ABCB10: variants seen among roughly 807,000 people sequenced by gnomAD.
ABCB10 encodes the protein ATP-binding cassette sub-family B member 10, mitochondrial.
ABCB10 carries 54 observed loss-of-function variants against 65.4 expected under a neutral mutation model. The ratio of observed to expected loss-of-function variants is 0.83; its 90% CI spans 0.66 to 1.04. ABCB10 has a LOEUF of 1.04. Ranked by LOEUF, ABCB10 falls within the 50% of genes least tolerant of loss-of-function variation. The probability of loss-of-function intolerance (pLI) is 0.00; values close to 1 mark genes in which losing one functional copy is unlikely to be tolerated. For synonymous variants in ABCB10, 418 were observed against 406.5 expected (o/e 1.03, Z -0.34); for missense variants, 846 against 976.6 (o/e 0.87, Z 1.78).
At position 229,558,357 on chromosome 1, in the gene ABCB10, C is replaced by A; in HGVS notation, c.296G>T (p.Ser99Ile). 2 of 1,253,556 alleles carry A rather than the reference C, an allele frequency of 1.6e-6. No homozygotes were observed. Among genetic ancestry groups the A allele is most frequent in the Non-Finnish European group, 2.0e-6 (2 of 987,686 alleles). The allele number at this position is 1,253,556 out of a possible 1,614,324, so 77.7% of individuals were successfully genotyped here. A position where few individuals can be genotyped will look rare whatever the true frequency, so the allele number is the denominator to read the frequency against. Residue 99 changes from serine to isoleucine, a missense_variant, in exon 1 of 13, where the codon AGC becomes ATC. Ser to Ile is a moderately radical substitution (Grantham distance 142, BLOSUM62 -2). Coordinates refer to ENST00000344517, the MANE Select transcript of ABCB10 (RefSeq NM_012089.3). ...LLGLWARGPG[S>I]CRCGAFAGPG... The stretch of plus-strand genomic sequence containing the variant: ...CCCGGCAAAAGCCCCGCACCTGCAG[C>A]TGCCGGGGCCGCGAGCCCACAGCCC...
chr1:229,531,884 A>G, intron 6 of ABCB10, 153 bp from the exon 7 acceptor site: 1 of 476,720 alleles, frequency 2.1e-6, no homozygotes, highest in Non-Finnish European at 3.7e-6. Context: ...CTGGGAACTG[A>G]TACTCAGAAT....
At chr1:229,528,470 G>C (rs371365879) in intron 8 of ABCB10, among the ~76,000 whole-genome samples, 9 of 151,760 alleles carry the variant, frequency 5.9e-5, no homozygotes, top group East Asian at 5.9e-4. Context: ...CAGCTAACTA[G>C]GATTTTTTTA....
chr1:229,554,746 G>C (rs544292676), intron 1 of ABCB10, among the ~76,000 whole-genome samples: 4 of 152,036 alleles, frequency 2.6e-5, no homozygotes, highest in South Asian at 2.1e-4. Context: ...CCTGGCTTTC[G>C]GGGGCAGTTC....
chr1:229,547,458 G>A, intron 3 of ABCB10, 41 bp downstream of exon 3: 1 of 1,606,908 alleles, frequency 6.2e-7, no homozygotes, highest in Non-Finnish European at 8.5e-7. Context: ...TGCAAGCCAA[G>A]CCCTGGCAGG....
intron 1 of ABCB10, among the ~76,000 whole-genome samples, chr1:229,555,618 A>G (rs1225993263): frequency 1.3e-5 from 2 of 152,262 alleles, no homozygotes; most frequent in Non-Finnish European, 2.9e-5. Flanking sequence ...AGGTATTATT[A>G]TTAAAATATA....
rs1268758404 is a variant in ABCB10 at position 229,518,024 on chromosome 1, G to C, written c.*155C>G. On this transcript the variant is annotated 3_prime_UTR_variant, in exon 13 of 13. Coordinates refer to ENST00000344517, the MANE Select transcript of ABCB10 (RefSeq NM_012089.3). Reference sequence around the variant, plus strand: ...CTGAATAAAAAGATCTTGAGAACAGGTACGTTTCAAAACAATCTTTTACAC... The same window carrying C: ...CTGAATAAAAAGATCTTGAGAACAGCTACGTTTCAAAACAATCTTTTACAC... The C allele has an allele frequency of 6.5e-6, 4 of 615,562 alleles. No individual in the cohort carries two copies. The highest frequency in any genetic ancestry group is 1.9e-5 in the African/African-American group (1 of 54,000). The allele number at this position is 615,562 out of a possible 1,614,324, so 38.1% of individuals were successfully genotyped here.
At chr1:229,533,404 G>T (rs186537572) in intron 6 of ABCB10, among the ~76,000 whole-genome samples, 1 of 152,282 alleles carries the variant, frequency 6.6e-6, no homozygotes, top group African/African-American at 2.4e-5. Flanking sequence ...GATTATAGGT[G>T]TAAGCCACCA....
intron 1 of ABCB10, among the ~76,000 whole-genome samples, chr1:229,556,228 C>T (rs1367182365): frequency 6.6e-6 from 1 of 152,080 alleles, no homozygotes; most frequent in Non-Finnish European, 1.5e-5. Context: ...CAAAATTAGC[C>T]GGGTATGATG....
Position 229,558,352 on chromosome 1 carries a change from T to C in ABCB10, c.301A>G (p.Arg101Gly), listed in dbSNP as rs1313739639. 10 of 1,255,582 alleles carry C rather than the reference T, an allele frequency of 8.0e-6. 1 individual carries two copies. In the Admixed American group the frequency reaches 2.2e-4, roughly 27 times the overall value. 77.8% of individuals were successfully genotyped at this position (1,255,582 alleles called of 1,614,324 possible). The change falls in exon 1 of 13, where the codon AGG becomes GGG. Residue 101 changes from arginine to glycine, a missense_variant. Transcript: ENST00000344517. ...CCTGGCCCGGCAAAAGCCCCGCACC[T>C]GCAGCTGCCGGGGCCGCGAGCCCAC... ...GLWARGPGSC[R>G]CGAFAGPGAP...
At chr1:229,536,098 G>A (rs2102694921) in intron 6 of ABCB10, among the ~76,000 whole-genome samples, 1 of 152,214 alleles carries the variant, frequency 6.6e-6, no homozygotes, top group South Asian at 2.1e-4. Flanking sequence ...ATGTATGGGG[G>A]CAGGGGTATA....
chr1:229,544,818 C>T (rs1285676906), intron 3 of ABCB10, among the ~76,000 whole-genome samples: 1 of 152,240 alleles, frequency 6.6e-6, no homozygotes, highest in Non-Finnish European at 1.5e-5. Flanking sequence ...CACTAGAGCA[C>T]ACTCTCTCTC....
rs1462956510 is a variant in ABCB10 at position 229,542,430 on chromosome 1, C to G, written c.922-59G>C. On this transcript the variant is annotated intron_variant, in intron 3 of 12. Coordinates refer to ENST00000344517, the MANE Select transcript of ABCB10 (RefSeq NM_012089.3). ...GTTACATTGGGTGGCAAGACATTCT[C>G]ATTACCTACGAAAGGGGAGTGTGTG... The G allele has an allele frequency of 1.9e-6, 3 of 1,573,844 alleles. No individual in the cohort carries two copies. In the African/African-American group the frequency reaches 4.1e-5, roughly 21 times the overall value.
chr1:229,549,913 C>CGA, intron 1 of ABCB10: 2 of 165,026 alleles, frequency 1.2e-5, no homozygotes, highest in South Asian at 1.6e-4. Flanking sequence ...CTGTCTACGG[C>CGA]CATACACTCT....
At chr1:229,556,528 GA>G (rs1663250884) in intron 1 of ABCB10, among the ~76,000 whole-genome samples, 1 of 152,060 alleles carries the variant, frequency 6.6e-6, no homozygotes, top group Admixed American at 6.6e-5. Flanking sequence ...AAAGAAGAAA[GA>G]AAAAAGGAGG....
At chr1:229,539,386 C>A in intron 6 of ABCB10, 70 bp downstream of exon 6, 1 of 1,561,028 alleles carries the variant, frequency 6.4e-7, no homozygotes, top group Non-Finnish European at 8.8e-7. Flanking sequence ...TGTGAAAGTT[C>A]AGTTTCTCTT....
Position 229,556,121 on chromosome 1 carries a change from T to C in ABCB10, c.517+2015A>G, listed in dbSNP as rs372048423. On this transcript the variant is annotated intron_variant, in intron 1 of 12. Coordinates refer to ENST00000344517, the MANE Select transcript of ABCB10 (RefSeq NM_012089.3). ...CGGGTGCAGTGGCTCACACCTGTAA[T>C]CCCAGCACCTTTGGAAGGCCAAGGT... Among the ~76,000 whole-genome samples, 7 of 152,236 alleles carry C rather than the reference T, an allele frequency of 4.6e-5. No homozygotes were observed. The East Asian group carries it at 5.8e-4, about 13-fold the overall frequency.
rs139689788 is a variant in ABCB10, at chr1:229,531,713, G to A, written c.1358C>T (p.Ser453Leu). The change falls in exon 7 of 13, where the codon TCG (serine) becomes TTG (leucine). Residue 453 changes from serine to leucine, a missense_variant. By Grantham distance (145) the Ser-to-Leu change is moderately radical. This residue lies in a region of ABCB10 where 632 missense variants were observed against 803.2 expected (regional missense o/e 0.79). Transcript: ENST00000344517. ...TGCACCCAGTCCTTTCATCAGCTCCGAGTAGAAAGAGCTCAGACCTGAGGA... is the reference window on the plus strand; with the variant it reads ...TGCACCCAGTCCTTTCATCAGCTCCAAGTAGAAAGAGCTCAGACCTGAGGA... ...ISIGGLSSFY[S>L]ELMKGLGAGG... The A allele has an allele frequency of 8.6e-5, 139 of 1,613,732 alleles. No individual in the cohort carries two copies. The highest frequency in any genetic ancestry group is 2.0e-4 in the East Asian group (9 of 44,884).
At chr1:229,552,105 T>TC (rs1663129669) in intron 1 of ABCB10, among the ~76,000 whole-genome samples, 2 of 152,202 alleles carry the variant, frequency 1.3e-5, no homozygotes, top group Non-Finnish European at 2.9e-5. Flanking sequence ...TTTCAGGATA[T>TC]CCCCCCACAC....
chr1:229,523,427 T>C (rs1253781603), intron 10 of ABCB10, among the ~76,000 whole-genome samples: 1 of 152,226 alleles, frequency 6.6e-6, no homozygotes, highest in Non-Finnish European at 1.5e-5. Context: ...CTGGACATCA[T>C]TTTATTTCAT....
Sources: gnomAD v4.1 joint callset for allele counts (sites outside exome capture counted in the v4.1 genomes callset) on GRCh38, gnomAD v4.1.1 for gene constraint, gnomAD v4.1.1 regional missense constraint, MANE v1.5 for transcripts, NCBI Gene and HGNC (gene_info 2026-07-23, HGNC 2026-07-21) for gene names.